PTPRD: variants seen among roughly 807,000 people sequenced by gnomAD.
PTPRD encodes the protein protein tyrosine phosphatase receptor type D.
In PTPRD, 34 loss-of-function variants were observed where a neutral mutation model predicts 214.5. The ratio of observed to expected loss-of-function variants is 0.16; its 90% CI spans 0.12 to 0.21. PTPRD has a LOEUF of 0.21. PTPRD is among the 10% of genes least tolerant of loss of function. The pLI is 1.00. For missense variants in PTPRD, 2,545 were observed against 2,398.7 expected (o/e 1.06, Z -1.27); for synonymous variants, 1,128 against 845.7 (o/e 1.33, Z -5.79).
chr9:10,011,491 T>A (rs1038976892), intron 4 of PTPRD, among the ~76,000 whole-genome samples: 1 of 151,940 alleles, frequency 6.6e-6, no homozygotes, highest in Non-Finnish European at 1.5e-5. Flanking sequence ...CTTAAATTAG[T>A]TTTCATTGAC....
intron 39 of PTPRD, among the ~76,000 whole-genome samples, chr9:8,368,960 A>T (rs895497521): frequency 2.0e-5 from 3 of 152,060 alleles, no homozygotes; most frequent in Non-Finnish European, 4.4e-5. Flanking sequence ...TCTTATCGAG[A>T]TGTTGGCATT....
intron 3 of PTPRD, among the ~76,000 whole-genome samples, chr9:10,053,881 A>G (rs1277854221): frequency 6.6e-6 from 1 of 151,886 alleles, no homozygotes; most frequent in Admixed American, 6.6e-5. Flanking sequence ...GCCTCATCCT[A>G]CTGAGTAGCG....
At position 9,694,828 on chromosome 9, in the gene PTPRD, G is replaced by A. The variant is rs559408323; in HGVS notation, c.-287+39705C>T. On this transcript the variant is annotated intron_variant, in intron 7 of 45. Transcript: ENST00000381196. ...ACTCTTCTATTGGCTTGTGGTGAAC[G>A]CTACCAGGCCTAGGACTCACTCTTC... Among the ~76,000 whole-genome samples, 107 of 152,156 alleles carry A rather than the reference G, an allele frequency of 7.0e-4. 1 individual carries two copies. The highest frequency in any genetic ancestry group is 3.9e-4 in the East Asian group (2 of 5,134).
At chr9:8,616,191 A>G (rs1299746748) in intron 14 of PTPRD, among the ~76,000 whole-genome samples, 1 of 152,164 alleles carries the variant, frequency 6.6e-6, no homozygotes, top group Non-Finnish European at 1.5e-5. Flanking sequence ...TTTTTTAGGT[A>G]CTGGACCATC....
chr9:9,896,441 T>A (rs1442364536), intron 5 of PTPRD, among the ~76,000 whole-genome samples: 1 of 152,088 alleles, frequency 6.6e-6, no homozygotes, highest in Non-Finnish European at 1.5e-5. Flanking sequence ...ACAGGCCTCT[T>A]CTGTTTACTC....
Position 10,231,983 on chromosome 9 carries a change from A to AGTGTGT in PTPRD, c.-545+108979_-545+108980insACACAC, listed in dbSNP as rs1194347516. ...GAGAGAGAGAGAGAGAGAGAGAGAG[A>AGTGTGT]GAGAGAGTGTGTGTGTGTGTGTGTG... On this transcript the variant is annotated intron_variant, in intron 3 of 45. Transcript: ENST00000381196. Among the ~76,000 whole-genome samples the AGTGTGT allele has an allele frequency of 9.8e-4, 95 of 97,200 alleles. No individual in the cohort carries two copies. The South Asian group carries it at 0.024, about 24-fold the overall frequency. The allele number at this position is 97,200 out of a possible 152,430, so 63.8% of individuals were successfully genotyped here.
chr9:8,614,981 C>T lies in PTPRD; in HGVS notation c.352+18336G>A, dbSNP rs73423254. On this transcript the variant is annotated intron_variant, in intron 14 of 45. Coordinates refer to ENST00000381196, the MANE Select transcript of PTPRD (RefSeq NM_002839.4). ...GCCCACTCTTGAGACTTCTTTGCTC[C>T]TTCTTTTGTTTGGCCTGCTAATTCT... Among the ~76,000 whole-genome samples, 1,023 of 152,220 alleles carry T rather than the reference C, an allele frequency of 6.7e-3. 8 individuals are homozygous for T. The highest frequency in any genetic ancestry group is 0.024 in the African/African-American group (991 of 41,548).
At chr9:10,484,306 G>A (rs1229673750) in intron 2 of PTPRD, among the ~76,000 whole-genome samples, 6 of 152,024 alleles carry the variant, frequency 3.9e-5, no homozygotes, top group African/African-American at 1.4e-4. Context: ...AGGGGAGTGT[G>A]GAAAGACAGT....
At chr9:9,461,846 T>G (rs2093687769) in intron 8 of PTPRD, among the ~76,000 whole-genome samples, 1 of 152,168 alleles carries the variant, frequency 6.6e-6, no homozygotes, top group Admixed American at 6.6e-5. Flanking sequence ...GCTTCTCTCC[T>G]CGTTCTCCTC....
At chr9:9,905,647 C>CTCATGT (rs2077388913) in intron 5 of PTPRD, among the ~76,000 whole-genome samples, 2 of 152,052 alleles carry the variant, frequency 1.3e-5, no homozygotes, top group African/African-American at 4.8e-5. Context: ...AAACTCAGCA[C>CTCATGT]AAAACCCAAG....
chr9:9,202,704 A>C (rs1300643917), intron 9 of PTPRD, among the ~76,000 whole-genome samples: 2 of 152,342 alleles, frequency 1.3e-5, no homozygotes, highest in South Asian at 2.1e-4. Flanking sequence ...TGTTCCTACC[A>C]AATGATCTTC....
At chr9:9,614,360 T>C (rs1341206214) in intron 7 of PTPRD, among the ~76,000 whole-genome samples, 1 of 152,152 alleles carries the variant, frequency 6.6e-6, no homozygotes, top group African/African-American at 2.4e-5. Context: ...ATGATCAGCA[T>C]AGTAATTTTT....
chr9:9,767,376 T>G (rs1243201104), intron 5 of PTPRD, among the ~76,000 whole-genome samples: 1 of 152,092 alleles, frequency 6.6e-6, no homozygotes, highest in Admixed American at 6.5e-5. Flanking sequence ...GCATCTAGAA[T>G]GAAGGCACAG....
At chr9:9,698,256 C>T (rs971065731) in intron 7 of PTPRD, among the ~76,000 whole-genome samples, 1 of 152,138 alleles carries the variant, frequency 6.6e-6, no homozygotes, top group Non-Finnish European at 1.5e-5. Context: ...TTTCAGTCTT[C>T]TCTTTCTGGG....
At chr9:9,672,391 G>T (rs528158724) in intron 7 of PTPRD, among the ~76,000 whole-genome samples, 28 of 152,210 alleles carry the variant, frequency 1.8e-4, no homozygotes, top group Admixed American at 5.2e-4. Flanking sequence ...GTTATTATGT[G>T]CCTGCTGCTG....
At chr9:10,569,726 T>G (rs2131888890) in intron 2 of PTPRD, among the ~76,000 whole-genome samples, 1 of 152,276 alleles carries the variant, frequency 6.6e-6, no homozygotes, top group South Asian at 2.1e-4. Context: ...GTGAGACAAT[T>G]ATTGAATTGC....
At chr9:10,182,844 C>T (rs2154309216) in intron 3 of PTPRD, among the ~76,000 whole-genome samples, 2 of 152,112 alleles carry the variant, frequency 1.3e-5, no homozygotes, top group Middle Eastern at 3.4e-3. Context: ...GTATATCACC[C>T]AACAATTCCA....
intron 11 of PTPRD, among the ~76,000 whole-genome samples, chr9:8,929,463 T>C (rs772834608): frequency 6.6e-6 from 1 of 152,022 alleles, no homozygotes; most frequent in Non-Finnish European, 1.5e-5. Flanking sequence ...GTTTTGGTCA[T>C]TGGCTCTGTT....
intron 10 of PTPRD, among the ~76,000 whole-genome samples, chr9:9,043,905 AAAAT>A (rs2099656717): frequency 4.2e-4 from 1 of 2,370 alleles, no homozygotes; most frequent in African/African-American, 6.9e-4. Flanking sequence ...CCCTGTCTCA[AAAAT>A]AAAATAAAAT....
Sources: gnomAD v4.1 joint callset for allele counts (sites outside exome capture counted in the v4.1 genomes callset) on GRCh38, gnomAD v4.1.1 for gene constraint, MANE v1.5 for transcripts, NCBI Gene and HGNC (gene_info 2026-07-23, HGNC 2026-07-21) for gene names.